SYN3: variants seen among roughly 807,000 people sequenced by gnomAD.
SYN3 encodes the protein synapsin-3.
SYN3 carries 35 observed loss-of-function variants against 65.8 expected under a neutral mutation model. The observed-to-expected ratio is 0.53, with a 90% confidence interval of 0.41 to 0.70. SYN3 has a LOEUF of 0.70. SYN3 is among the 30% of genes least tolerant of loss of function. The pLI is 0.00. For synonymous variants in SYN3, 270 were observed against 292.9 expected (o/e 0.92, Z 0.80); for missense variants, 680 against 749.0 (o/e 0.91, Z 1.08).
At chr22:32,628,485 C>T (rs899458789) in intron 6 of SYN3, among the ~76,000 whole-genome samples, 9 of 152,116 alleles carry the variant, frequency 5.9e-5, no homozygotes, top group African/African-American at 2.2e-4. Context: ...CTGGTGCTGA[C>T]AAAGTGCAGC....
intron 12 of SYN3, among the ~76,000 whole-genome samples, chr22:32,525,983 C>G (rs2057970215): frequency 6.6e-6 from 1 of 152,254 alleles, no homozygotes; most frequent in South Asian, 2.1e-4. Flanking sequence ...AACCAGTACC[C>G]TGATCAGTAA....
intron 6 of SYN3, among the ~76,000 whole-genome samples, chr22:32,688,994 G>A (rs55726610): frequency 0.28 from 42,711 of 152,100 alleles, 7,131 homozygotes; most frequent in Middle Eastern, 0.4. Flanking sequence ...TTCTTTAATT[G>A]CAAAATGGGA....
rs150486879 is a variant in SYN3 at position 32,840,920 on chromosome 22, A to G, written c.711+23995T>C. On this transcript the variant is annotated intron_variant, in intron 6 of 13. Transcript: ENST00000358763. ...TCCTAGGAGCCTTATGTATCTCTCT[A>G]TCCCTGTATACGTCTTCACAATACT... Among the ~76,000 whole-genome samples the G allele has an allele frequency of 4.5e-4, 69 of 152,172 alleles. 1 individual carries two copies. In the East Asian group the frequency reaches 5.4e-3, roughly 12 times the overall value.
intron 6 of SYN3, among the ~76,000 whole-genome samples, chr22:32,745,002 T>C (rs1344138887): frequency 6.6e-6 from 1 of 152,056 alleles, no homozygotes; most frequent in Non-Finnish European, 1.5e-5. Context: ...TTCAGAGAAG[T>C]GATTTCATTT....
intron 6 of SYN3, among the ~76,000 whole-genome samples, chr22:32,855,315 C>T (rs2048333935): frequency 6.6e-6 from 1 of 152,194 alleles, no homozygotes; most frequent in Admixed American, 6.5e-5. Context: ...CATTCATTCA[C>T]CCCAGTGACT....
rs542282140 is a variant in SYN3, at chr22:32,944,566, G to A, written c.370-13085C>T. On this transcript the variant is annotated intron_variant, in intron 3 of 13. Coordinates refer to ENST00000358763, the MANE Select transcript of SYN3 (RefSeq NM_003490.4). ...TCTCAAAATAATAAGAGCTATTTAT[G>A]ACAAACCCACAGCCAATATCATACT... Among the ~76,000 whole-genome samples, 7 of 152,266 alleles carry A rather than the reference G, an allele frequency of 4.6e-5. No individual in the cohort carries two copies. In the East Asian group the frequency reaches 1.2e-3, roughly 25 times the overall value.
At chr22:32,565,005 ACTGCACCCAAACAG>A (rs2058649268) in intron 7 of SYN3, among the ~76,000 whole-genome samples, 5 of 150,024 alleles carry the variant, frequency 3.3e-5, no homozygotes, top group Admixed American at 2.6e-4. Flanking sequence ...GTGCTCCCGG[ACTGCACCCAAACAG>A]TGCTCCCGGA....
intron 7 of SYN3, among the ~76,000 whole-genome samples, chr22:32,573,213 A>C (rs893413084): frequency 1.3e-5 from 2 of 152,204 alleles, no homozygotes; most frequent in Non-Finnish European, 2.9e-5. Context: ...TAAGGATATG[A>C]CATGTTGCAC....
At chr22:33,050,504 A>T (rs1209695272) in intron 1 of SYN3, among the ~76,000 whole-genome samples, 1 of 151,142 alleles carries the variant, frequency 6.6e-6, no homozygotes, top group Non-Finnish European at 1.5e-5. Flanking sequence ...AAAAAACAAA[A>T]CAAAGCAAAA....
At chr22:32,917,903 G>A (rs796673027) in intron 4 of SYN3, among the ~76,000 whole-genome samples, 6 of 152,332 alleles carry the variant, frequency 3.9e-5, no homozygotes, top group African/African-American at 1.4e-4. Flanking sequence ...CAGGGATCCT[G>A]CTTTCTCCGG....
chr22:32,780,789 T>C (rs2046021630), intron 6 of SYN3, among the ~76,000 whole-genome samples: 1 of 152,184 alleles, frequency 6.6e-6, no homozygotes, highest in Non-Finnish European at 1.5e-5. Context: ...AACCACAATG[T>C]AGGCTTGTTA....
intron 1 of SYN3, among the ~76,000 whole-genome samples, chr22:33,010,520 G>GCT (rs1569403174): frequency 6.6e-6 from 1 of 152,150 alleles, no homozygotes; most frequent in South Asian, 2.1e-4. Flanking sequence ...TGTTTAATAT[G>GCT]CTCCACTGAT....
intron 6 of SYN3, chr22:32,857,985 A>G: frequency 6.2e-7 from 1 of 1,613,496 alleles, no homozygotes; most frequent in Non-Finnish European, 8.5e-7. Flanking sequence ...GGACAAAACA[A>G]CCTCTCCTTG....
chr22:32,602,876 T>G (rs997082371), intron 6 of SYN3, among the ~76,000 whole-genome samples: 2 of 152,222 alleles, frequency 1.3e-5, no homozygotes, highest in Admixed American at 1.3e-4. Flanking sequence ...CGAGACTTCA[T>G]TAAACATCTT....
At chr22:32,790,566 C>T (rs775664558) in intron 6 of SYN3, among the ~76,000 whole-genome samples, 33 of 152,210 alleles carry the variant, frequency 2.2e-4, no homozygotes, top group Middle Eastern at 3.4e-3. Flanking sequence ...GCTGGGACTA[C>T]AGGCACGTGC....
At position 32,975,500 on chromosome 22, in the gene SYN3, G is replaced by T. The variant is rs568878440; in HGVS notation, c.369+5145C>A. Among the ~76,000 whole-genome samples, 11 of 151,972 alleles carry T rather than the reference G, an allele frequency of 7.2e-5. 1 individual carries two copies. The South Asian group carries it at 2.3e-3, about 32-fold the overall frequency. On this transcript the variant is annotated intron_variant, in intron 3 of 13. Transcript: ENST00000358763. ...TGCAGAGACAGAGTCTCACAATGTT[G>T]CCCAGGCTGGTCATGAACTCCTGGG...
chr22:33,044,787 C>T (rs1412906232), intron 1 of SYN3, among the ~76,000 whole-genome samples: 1 of 151,668 alleles, frequency 6.6e-6, no homozygotes, highest in Non-Finnish European at 1.5e-5. Flanking sequence ...AGGTCTCCTA[C>T]TTGAGGGATC....
At chr22:32,859,464 T>A in intron 6 of SYN3, 1 of 1,469,650 alleles carries the variant, frequency 6.8e-7, no homozygotes, top group Non-Finnish European at 9.1e-7. Context: ...GACAATGAAA[T>A]TAGTGCCTGT....
intron 1 of SYN3, among the ~76,000 whole-genome samples, chr22:33,033,837 C>G (rs985443007): frequency 1.3e-5 from 2 of 152,102 alleles, no homozygotes; most frequent in African/African-American, 4.8e-5. Flanking sequence ...GCCAAGCAGA[C>G]GCAAGGCCAA....
Sources: allele counts gnomAD v4.1 joint callset (sites outside exome capture counted in the v4.1 genomes callset), GRCh38; gene constraint gnomAD v4.1.1; transcripts MANE v1.5; gene names NCBI Gene and HGNC (gene_info 2026-07-23, HGNC 2026-07-21).